The following STK32B variants were observed in gnomAD, a reference collection of about 807,000 sequenced individuals.
The protein encoded by STK32B is serine/threonine-protein kinase 32B.
A neutral mutation model predicts 52.6 loss-of-function variants in STK32B; 43 were observed. The observed-to-expected ratio is 0.82, with a 90% CI of 0.64 to 1.05. STK32B has a LOEUF of 1.05. Among genes scored for constraint, STK32B ranks in the 50% least tolerant of loss-of-function variants. The pLI is 0.00. For synonymous variants in STK32B, 238 were observed against 204.3 expected, an observed-to-expected ratio of 1.17 and a Z score of -1.41; for missense variants, 621 against 534.6, an observed-to-expected ratio of 1.16 and a Z score of -1.59.
At chr4:5,315,348 A>G (rs1730596614) in intron 3 of STK32B, among the ~76,000 whole-genome samples, 1 of 152,190 alleles carries the variant, frequency 6.6e-6, no homozygotes, top group African/African-American at 2.4e-5. Context: ...ACAGATCTGT[A>G]TGTATCTTGG....
the STK32B span, among the ~76,000 whole-genome samples, chr4:5,031,817 A>G: frequency 9.2e-5 from 14 of 152,120 alleles, no homozygotes; most frequent in Non-Finnish European, 2.9e-5. Context: ...TCCCCTCCTC[A>G]GATCCCTCAC....
intron 3 of STK32B, among the ~76,000 whole-genome samples, chr4:5,289,685 ATTTTTTTTTTTTTTTT>A (rs56211807): frequency 5.8e-5 from 5 of 86,882 alleles, no homozygotes; most frequent in Admixed American, 3.7e-4. Context: ...TGCCCGGCTA[ATTTTTTTTTTTTTTTT>A]TTTTTTTTTT....
intron 11 of STK32B, among the ~76,000 whole-genome samples, chr4:5,492,741 A>G (rs1452808392): frequency 6.6e-6 from 1 of 151,370 alleles, no homozygotes; most frequent in African/African-American, 2.5e-5. Flanking sequence ...CTATTTTGAG[A>G]TACGTCCCAT....
intron 3 of STK32B, among the ~76,000 whole-genome samples, chr4:5,305,057 TA>T (rs140907136): frequency 0.11 from 16,151 of 151,998 alleles, 2,533 homozygotes; most frequent in African/African-American, 0.35. Flanking sequence ...CATGGTGGAT[TA>T]TTTTTTAGAT....
intron 1 of STK32B, among the ~76,000 whole-genome samples, chr4:5,076,334 A>G (rs1248644495): frequency 6.6e-6 from 1 of 152,076 alleles, no homozygotes; most frequent in Non-Finnish European, 1.5e-5. Flanking sequence ...AGGTACTGTA[A>G]TTTTCTTCAC....
intron 6 of STK32B, among the ~76,000 whole-genome samples, chr4:5,422,004 A>C (rs1243460226): frequency 6.6e-6 from 1 of 152,220 alleles, no homozygotes; most frequent in Non-Finnish European, 1.5e-5. Flanking sequence ...CTCCTGAATT[A>C]TAAAGACGAC....
intron 9 of STK32B, among the ~76,000 whole-genome samples, chr4:5,464,167 A>G (rs1027182519): frequency 2.0e-5 from 3 of 152,174 alleles, no homozygotes; most frequent in African/African-American, 7.2e-5. Flanking sequence ...CTCACTCACT[A>G]TTGTGAGGAC....
chr4:5,214,548 C>T (rs57151216), intron 3 of STK32B, among the ~76,000 whole-genome samples: 6,779 of 152,208 alleles, frequency 0.045, 497 homozygotes, highest in African/African-American at 0.15. Flanking sequence ...TCATTTCCTT[C>T]TCTGGGTGGG....
intron 3 of STK32B, among the ~76,000 whole-genome samples, chr4:5,259,459 C>G (rs1395528502): frequency 1.3e-5 from 2 of 152,174 alleles, no homozygotes; most frequent in Admixed American, 1.3e-4. Context: ...GTTCTGCCAC[C>G]TATTGACTAT....
chr4:5,456,282 G>A (rs1318930810), intron 7 of STK32B, among the ~76,000 whole-genome samples: 1 of 152,278 alleles, frequency 6.6e-6, no homozygotes, highest in Admixed American at 6.5e-5. Flanking sequence ...GGGAGGACAG[G>A]TGAGAAGTCA....
Position 5,489,628 on chromosome 4 carries a change from A to AT in STK32B, c.1107-9315dup, listed in dbSNP as rs1201368525. Among the ~76,000 whole-genome samples, 3 of 151,772 alleles carry AT rather than the reference A, an allele frequency of 2.0e-5. No individual in the cohort carries two copies. The East Asian group carries it at 6.0e-4, about 31-fold the overall frequency. ...TTTTATTTTATTTTATTTATTTTTT[A>AT]TTATTTTTTTTGAGATGGAGTCTTG... On this transcript the variant is annotated intron_variant, in intron 11 of 11. Coordinates refer to ENST00000282908, the MANE Select transcript of STK32B (RefSeq NM_018401.3).
At chr4:5,496,039 T>A (rs2108734414) in intron 11 of STK32B, among the ~76,000 whole-genome samples, 1 of 152,326 alleles carries the variant, frequency 6.6e-6, no homozygotes, top group South Asian at 2.1e-4. Flanking sequence ...AGGGACCCAC[T>A]TGAGGAGGCA....
rs1166476675 is a variant in STK32B, at chr4:5,467,514, G to T, written c.1042-492G>T. Among the ~76,000 whole-genome samples, 1 of 152,130 alleles carries T rather than the reference G, an allele frequency of 6.6e-6. No homozygotes were observed. The highest frequency in any genetic ancestry group is 1.5e-5 in the Non-Finnish European group (1 of 68,030). ...GGTCTTAGGGCCTACCTAATTCACTGTGACTTCATCTTAACTGGATTACAT... is the reference window on the plus strand; with the variant it reads ...GGTCTTAGGGCCTACCTAATTCACTTTGACTTCATCTTAACTGGATTACAT... On this transcript the variant is annotated intron_variant, in intron 10 of 11. Transcript: ENST00000282908. This position sits in a 1 kb window ranked among gnomAD's most constrained non-coding sequence, Gnocchi z 5.8.
chr4:5,382,092 G>A (rs994404697), intron 4 of STK32B, among the ~76,000 whole-genome samples: 11 of 152,124 alleles, frequency 7.2e-5, no homozygotes, highest in African/African-American at 2.2e-4. Flanking sequence ...CTGACTGGTT[G>A]GATGAGCCTG....
chr4:5,292,946 C>A (rs191247276), intron 3 of STK32B, among the ~76,000 whole-genome samples: 1 of 151,960 alleles, frequency 6.6e-6, no homozygotes. Context: ...CCCATTGCCC[C>A]CTACTCCCTG....
chr4:5,489,061 A>G (rs1007374462), intron 11 of STK32B, among the ~76,000 whole-genome samples: 2 of 152,138 alleles, frequency 1.3e-5, no homozygotes, highest in Non-Finnish European at 2.9e-5. Context: ...TCATGTATCA[A>G]TATTTTGAAC....
intron 11 of STK32B, among the ~76,000 whole-genome samples, chr4:5,479,184 A>G (rs890381199): frequency 8.3e-5 from 12 of 145,246 alleles, no homozygotes; most frequent in South Asian, 2.2e-4. Flanking sequence ...AAGTGGCATG[A>G]TCTCGGCTCA....
chr4:5,223,470 G>T (rs1176456113), intron 3 of STK32B, among the ~76,000 whole-genome samples: 1 of 152,132 alleles, frequency 6.6e-6, no homozygotes, highest in East Asian at 1.9e-4. Flanking sequence ...AGCTATGGGG[G>T]TGGGGTCCCC....
At chr4:5,417,346 G>T (rs937638687) in intron 6 of STK32B, among the ~76,000 whole-genome samples, 22 of 152,096 alleles carry the variant, frequency 1.4e-4, no homozygotes, top group Non-Finnish European at 3.2e-4. Flanking sequence ...ATTTTTATGG[G>T]ATTATTGTTT....
Sources: gnomAD v4.1 joint callset for allele counts (sites outside exome capture counted in the v4.1 genomes callset) on GRCh38, gnomAD v4.1.1 for gene constraint, Gnocchi (gnomAD v3.1) non-coding constraint, MANE v1.5 for transcripts, NCBI Gene and HGNC (gene_info 2026-07-23, HGNC 2026-07-21) for gene names.